The following FAM178B variants were observed in gnomAD, a reference collection of about 807,000 sequenced individuals.
FAM178B encodes the protein protein FAM178B.
A neutral mutation model predicts 91.7 loss-of-function variants in FAM178B; 82 were observed. The ratio of observed to expected loss-of-function variants is 0.89; its 90% CI spans 0.75 to 1.07. The LOEUF (loss-of-function observed/expected upper bound fraction) is 1.07, where lower values mean the gene tolerates loss of function less well. Among genes scored for constraint, FAM178B ranks in the 50% least tolerant of loss-of-function variants. The pLI is 0.00. For synonymous variants in FAM178B, 368 were observed against 359.4 expected (o/e 1.02, Z -0.27); for missense variants, 769 against 846.7 (o/e 0.91, Z 1.14).
At chr2:96,952,331 C>T (rs991587280) in intron 6 of FAM178B, among the ~76,000 whole-genome samples, 2 of 152,176 alleles carry the variant, frequency 1.3e-5, no homozygotes, top group East Asian at 3.9e-4. Context: ...AAATACCAAA[C>T]AAGAGTTCCA....
chr2:96,933,635 A>T (rs142012868), intron 8 of FAM178B, among the ~76,000 whole-genome samples: 1 of 152,248 alleles, frequency 6.6e-6, no homozygotes, highest in African/African-American at 2.4e-5. Flanking sequence ...CTTTGGCGGC[A>T]GGAGACTGGG....
At chr2:96,910,887 C>G (rs1394834556) in intron 12 of FAM178B, among the ~76,000 whole-genome samples, 1 of 151,580 alleles carries the variant, frequency 6.6e-6, no homozygotes, top group Admixed American at 6.6e-5. Flanking sequence ...ACAACCTCAG[C>G]CTCCTGAGTA....
chr2:96,924,440 A>C (rs1468774553), intron 9 of FAM178B, among the ~76,000 whole-genome samples: 3 of 152,214 alleles, frequency 2.0e-5, no homozygotes, highest in Non-Finnish European at 4.4e-5. Flanking sequence ...TGACGGACCC[A>C]ATCTGGCTGA....
intron 5 of FAM178B, among the ~76,000 whole-genome samples, chr2:96,960,723 C>T (rs2082067512): frequency 6.6e-6 from 1 of 152,240 alleles, no homozygotes; most frequent in African/African-American, 2.4e-5. Context: ...GTCAGACTTC[C>T]ACTGCACACC....
rs559791167 is a variant in FAM178B at position 96,880,841 on chromosome 2, G to A, written c.1777-2348C>T. Among the ~76,000 whole-genome samples the A allele has an allele frequency of 2.3e-3, 343 of 152,292 alleles. 4 individuals are homozygous for A. The highest frequency in any genetic ancestry group is 0.02 in the Middle Eastern group (6 of 294). On this transcript the variant is annotated intron_variant, in intron 14 of 16. Transcript: ENST00000490605. ...GATCTCCTGACCTTGTGATCCGCCC[G>A]CCTCGGCCTCCCAAAGTGCTGGGAT...
chr2:96,906,266 A>G (rs1037004050), intron 12 of FAM178B, among the ~76,000 whole-genome samples: 1 of 143,772 alleles, frequency 7.0e-6, no homozygotes, highest in African/African-American at 2.6e-5. Flanking sequence ...CAGTGGCGGC[A>G]TCTCAGCTCA....
chr2:96,926,683 G>A (rs900200926), intron 9 of FAM178B, among the ~76,000 whole-genome samples: 3 of 152,220 alleles, frequency 2.0e-5, no homozygotes, highest in Non-Finnish European at 2.9e-5. Flanking sequence ...CAAGTTGGAT[G>A]CCAGGAGATC....
intron 8 of FAM178B, among the ~76,000 whole-genome samples, chr2:96,931,355 C>T (rs2081535824): frequency 6.6e-6 from 1 of 152,060 alleles, no homozygotes; most frequent in South Asian, 2.1e-4. Context: ...GGAACAGAAG[C>T]CAGATCAAGA....
intron 13 of FAM178B, among the ~76,000 whole-genome samples, chr2:96,902,234 T>C (rs941218533): frequency 1.3e-5 from 2 of 151,780 alleles, no homozygotes; most frequent in Non-Finnish European, 2.9e-5. Flanking sequence ...GCCTCCCGAG[T>C]AGCTGGGACT....
chr2:96,928,448 A>G (rs961317352), intron 9 of FAM178B, among the ~76,000 whole-genome samples: 5 of 152,342 alleles, frequency 3.3e-5, no homozygotes, highest in South Asian at 4.1e-4. Context: ...TAGGCAAATG[A>G]TCATGACTGT....
chr2:96,939,415 G>A (rs1055429517), intron 8 of FAM178B, among the ~76,000 whole-genome samples: 1 of 152,170 alleles, frequency 6.6e-6, no homozygotes, highest in African/African-American at 2.4e-5. Context: ...AGAATGGCGT[G>A]AACCTGGGAG....
In FAM178B at chr2:96,986,256, G is replaced by C; in HGVS notation, c.58C>G (p.Arg20Gly). The C allele has an allele frequency of 6.5e-7, 1 of 1,534,470 alleles. No individual in the cohort carries two copies. Among genetic ancestry groups the C allele is most frequent in the South Asian group, 1.2e-5 (1 of 83,992 alleles). The change falls in exon 1 of 17, where the codon CGG becomes GGG. Residue 20 changes from arginine to glycine, a missense_variant. Arg to Gly is a moderately radical substitution (Grantham distance 125, BLOSUM62 -2). Coordinates refer to ENST00000490605, the MANE Select transcript of FAM178B (RefSeq NM_001122646.3). ...GTTTCCTTACCTGTAAAATGGAGCC[G>C]CTGATCCTGCCTCCTGAGTTGTGGA... ...LAPQLRRQDQ[R>G]LHFTGQMSHG...
intron 5 of FAM178B, 43 bp downstream of exon 5, chr2:96,967,477 G>T: frequency 7.6e-7 from 1 of 1,313,342 alleles, no homozygotes; most frequent in Non-Finnish European, 1.1e-6. Context: ...TGGCACCTCA[G>T]TCTTTCCCCT....
intron 8 of FAM178B, among the ~76,000 whole-genome samples, chr2:96,936,425 T>G (rs1268942527): frequency 1.3e-5 from 2 of 150,912 alleles, no homozygotes; most frequent in African/African-American, 4.9e-5. Context: ...ATGGTCTCGA[T>G]CTCCCGACCT....
At chr2:96,876,346 C>T in intron 16 of FAM178B, 38 bp from the exon 17 acceptor site, 1 of 1,576,628 alleles carries the variant, frequency 6.3e-7, no homozygotes, top group Non-Finnish European at 8.6e-7. Context: ...AGGGCCTGGG[C>T]CCAGGTGCTG....
intron 13 of FAM178B, among the ~76,000 whole-genome samples, chr2:96,895,981 A>C (rs2080815277): frequency 1.3e-5 from 2 of 152,296 alleles, no homozygotes; most frequent in South Asian, 4.1e-4. Context: ...AGGGGGGAGG[A>C]AGGTTCTGGG....
At chr2:96,911,259 C>A (rs1244127933) in intron 12 of FAM178B, among the ~76,000 whole-genome samples, 1 of 152,160 alleles carries the variant, frequency 6.6e-6, no homozygotes, top group African/African-American at 2.4e-5. Flanking sequence ...GCCTGATGGG[C>A]CTGCAACAAG....
intron 1 of FAM178B, among the ~76,000 whole-genome samples, chr2:96,979,911 G>A (rs573891778): frequency 3.8e-4 from 58 of 152,286 alleles, no homozygotes; most frequent in Non-Finnish European, 5.1e-4. Flanking sequence ...CAGGGAATAG[G>A]TATGTCCATT....
In FAM178B at chr2:96,876,158, C is replaced by T; in HGVS notation, c.*118G>A. 2.8e-6 allele frequency: 3 copies of T among 1,069,548 alleles called. No homozygotes were observed. The highest frequency in any genetic ancestry group is 2.8e-6 in the Non-Finnish European group (2 of 726,782). The allele number at this position is 1,069,548 out of a possible 1,614,324, so 66.3% of individuals were successfully genotyped here. ...CGGTGGCAGGGGCAGGCTCTTGCCT[C>T]ATCAGGCTGGTCAGCATGTGGCCTC... is the stretch of plus-strand genomic sequence containing the variant. On this transcript the variant is annotated 3_prime_UTR_variant, in exon 17 of 17. Coordinates refer to ENST00000490605, the MANE Select transcript of FAM178B (RefSeq NM_001122646.3).
Sources: allele counts gnomAD v4.1 joint callset (sites outside exome capture counted in the v4.1 genomes callset), GRCh38; gene constraint gnomAD v4.1.1; transcripts MANE v1.5; gene names NCBI Gene and HGNC (gene_info 2026-07-23, HGNC 2026-07-21).